The following EXOC4 variants were observed in gnomAD, a reference collection of about 807,000 sequenced individuals.
EXOC4 encodes the protein SEC8-like 1.
A neutral mutation model predicts 107.2 loss-of-function variants in EXOC4; 71 were observed. The observed-to-expected ratio is 0.66, with a 90% CI of 0.55 to 0.81. EXOC4 has a LOEUF of 0.81. EXOC4 is among the 30% of genes least tolerant of loss of function. The pLI is 0.00. For synonymous variants in EXOC4, 456 were observed against 441.2 expected (o/e 1.03, Z -0.42); for missense variants, 1,108 against 1,189.6 (o/e 0.93, Z 1.01).
intron 10 of EXOC4, among the ~76,000 whole-genome samples, chr7:133,798,122 GC>G (rs1796854745): frequency 6.6e-6 from 1 of 152,000 alleles, no homozygotes. Flanking sequence ...GAGTATTTTT[GC>G]CAGTCCTACC....
intron 7 of EXOC4, among the ~76,000 whole-genome samples, chr7:133,425,663 T>G (rs1390560653): frequency 1.3e-5 from 2 of 152,172 alleles, no homozygotes; most frequent in African/African-American, 2.4e-5. Flanking sequence ...CATGCCCCAT[T>G]ATACCTCTCC....
chr7:133,633,334 T>A (rs1802633354), intron 10 of EXOC4, among the ~76,000 whole-genome samples: 1 of 152,230 alleles, frequency 6.6e-6, no homozygotes, highest in African/African-American at 2.4e-5. Flanking sequence ...TGTTATCAAC[T>A]GACTCATATT....
intron 6 of EXOC4, among the ~76,000 whole-genome samples, chr7:133,358,436 A>G (rs2150662100): frequency 6.6e-6 from 1 of 152,288 alleles, no homozygotes; most frequent in East Asian, 1.9e-4. Flanking sequence ...GTATATGAAT[A>G]TATGTTTATT....
At position 133,679,787 on chromosome 7, in the gene EXOC4, A is replaced by G. The variant is rs80127136; in HGVS notation, c.1514+49646A>G. Among the ~76,000 whole-genome samples the G allele has an allele frequency of 4.0e-3, 609 of 152,306 alleles. 3 individuals carry two copies. Among genetic ancestry groups the G allele is most frequent in the African/African-American group, 0.014 (564 of 41,554 alleles). On this transcript the variant is annotated intron_variant, in intron 10 of 17. Transcript: ENST00000253861. ...ATTTTCTCACTGCAGAACACTGTAG[A>G]ATGTTAAAGCTAAAAGATTGCTCAT...
At chr7:133,909,250 A>G (rs183116543) in intron 12 of EXOC4, among the ~76,000 whole-genome samples, 18 of 152,336 alleles carry the variant, frequency 1.2e-4, no homozygotes, top group Non-Finnish European at 2.4e-4. Flanking sequence ...AAGTGAATTG[A>G]CTAGGTAAGG....
Position 133,427,060 on chromosome 7 carries a change from G to GTT in EXOC4, c.1183-48260_1183-48259dup, listed in dbSNP as rs201219233. On this transcript the variant is annotated intron_variant, in intron 7 of 17. Coordinates refer to ENST00000253861, the MANE Select transcript of EXOC4 (RefSeq NM_021807.4). ...CTCTCCTGATGCTCCCATATGTGTG[G>GTT]TTTTTTTTTGTTTTTGAGGTATATC... is the stretch of plus-strand genomic sequence containing the variant. Among the ~76,000 whole-genome samples, 29 of 151,010 alleles carry GTT rather than the reference G, an allele frequency of 1.9e-4. 1 individual carries two copies. The South Asian group carries it at 5.5e-3, about 29-fold the overall frequency.
chr7:133,796,201 A>G (rs759475767), intron 10 of EXOC4, among the ~76,000 whole-genome samples: 24 of 152,180 alleles, frequency 1.6e-4, no homozygotes, highest in Non-Finnish European at 3.1e-4. Context: ...TACTTCTTTA[A>G]ATTCTTAATA....
chr7:133,797,150 T>A lies in EXOC4; in HGVS notation c.1515-20175T>A, dbSNP rs533888714. 1.8e-4 allele frequency among the ~76,000 whole-genome samples: 28 copies of A among 152,326 alleles called. No individual in the cohort carries two copies. In the South Asian group the frequency reaches 3.1e-3, roughly 17 times the overall value. ...AGTTCCTTCTCAGAATTCATCTCTG[T>A]ATTCTTATTACAAATCATTATAATG... On this transcript the variant is annotated intron_variant, in intron 10 of 17. Transcript: ENST00000253861.
intron 10 of EXOC4, among the ~76,000 whole-genome samples, chr7:133,741,993 C>A (rs1795574355): frequency 6.6e-6 from 1 of 152,106 alleles, no homozygotes; most frequent in African/African-American, 2.4e-5. Flanking sequence ...TGAATGCCCC[C>A]AAAGTCTATA....
intron 10 of EXOC4, among the ~76,000 whole-genome samples, chr7:133,639,235 A>T (rs183270219): frequency 6.6e-6 from 1 of 152,164 alleles, no homozygotes; most frequent in Non-Finnish European, 1.5e-5. Flanking sequence ...AAATTATTTT[A>T]TCATTCCCCT....
chr7:133,828,434 G>A (rs1343163994), intron 11 of EXOC4, among the ~76,000 whole-genome samples: 1 of 152,142 alleles, frequency 6.6e-6, no homozygotes, highest in Non-Finnish European at 1.5e-5. Flanking sequence ...GAGAACTGCT[G>A]TACTTAGGAA....
At chr7:134,020,002 G>T (rs1794992989) in intron 17 of EXOC4, among the ~76,000 whole-genome samples, 2 of 152,050 alleles carry the variant, frequency 1.3e-5, no homozygotes, top group African/African-American at 2.4e-5. Flanking sequence ...TCTTCTGCTG[G>T]CCTTCCAAAC....
chr7:134,089,695 A>T, the EXOC4 span, among the ~76,000 whole-genome samples: 2 of 152,204 alleles, frequency 1.3e-5, no homozygotes, highest in African/African-American at 4.8e-5. Context: ...TCTACGACAT[A>T]CTTTGACTTT....
intron 10 of EXOC4, among the ~76,000 whole-genome samples, chr7:133,784,496 T>TGGGGTCC (rs1796529868): frequency 6.6e-6 from 1 of 152,136 alleles, no homozygotes. Flanking sequence ...TCTTCCTCTC[T>TGGGGTCC]GGGGTCCGTT....
intron 9 of EXOC4, among the ~76,000 whole-genome samples, chr7:133,495,774 C>T (rs1799463262): frequency 6.6e-6 from 1 of 152,116 alleles, no homozygotes; most frequent in Non-Finnish European, 1.5e-5. Context: ...AGATAATTCT[C>T]CTATGAACAG....
At chr7:133,340,777 T>C (rs1160552517) in intron 5 of EXOC4, among the ~76,000 whole-genome samples, 2 of 152,126 alleles carry the variant, frequency 1.3e-5, no homozygotes, top group Non-Finnish European at 2.9e-5. Context: ...TTCCAGGAAC[T>C]TATCCATCTC....
At chr7:133,784,605 A>G (rs150989291) in intron 10 of EXOC4, among the ~76,000 whole-genome samples, 2 of 152,324 alleles carry the variant, frequency 1.3e-5, no homozygotes, top group East Asian at 3.9e-4. Flanking sequence ...CTGTAATTAA[A>G]TGACATCACT....
At chr7:133,581,126 A>T (rs780957355) in intron 9 of EXOC4, among the ~76,000 whole-genome samples, 3 of 152,136 alleles carry the variant, frequency 2.0e-5, no homozygotes, top group Non-Finnish European at 2.9e-5. Context: ...TTGATACAGG[A>T]TCAGAAAATG....
At chr7:134,083,324 C>G in the EXOC4 span, among the ~76,000 whole-genome samples, 3 of 152,164 alleles carry the variant, frequency 2.0e-5, no homozygotes, top group Non-Finnish European at 1.5e-5. Flanking sequence ...TACCTCTAGT[C>G]CCTTGCTCAT....
Sources: gnomAD v4.1 joint callset for allele counts (sites outside exome capture counted in the v4.1 genomes callset) on GRCh38, gnomAD v4.1.1 for gene constraint, MANE v1.5 for transcripts, NCBI Gene and HGNC (gene_info 2026-07-23, HGNC 2026-07-21) for gene names.